GRID2: variants seen among roughly 807,000 people sequenced by gnomAD.
GRID2 encodes glutamate ionotropic receptor delta type subunit 2.
Under a neutral mutation model 114.8 loss-of-function variants are expected in GRID2, and 33 were observed. The ratio of observed to expected loss-of-function variants is 0.29; its 90% confidence interval spans 0.22 to 0.38. The LOEUF is 0.38. Among genes scored for constraint, GRID2 ranks in the 10% least tolerant of loss-of-function variants. The pLI, the probability that GRID2 is intolerant of heterozygous loss-of-function variation, is 1.00. For synonymous variants in GRID2, 505 were observed against 449.9 expected (o/e 1.12, Z -1.55); for missense variants, 1,184 against 1,257.7 (o/e 0.94, Z 0.89).
intron 2 of GRID2, among the ~76,000 whole-genome samples, chr4:92,924,804 A>G (rs2149512057): frequency 6.6e-6 from 1 of 152,228 alleles, no homozygotes; most frequent in African/African-American, 2.4e-5. Flanking sequence ...ACTTCAAATG[A>G]TTAATTATTG....
chr4:92,344,425 C>T (rs894595018), intron 1 of GRID2, among the ~76,000 whole-genome samples: 5 of 152,216 alleles, frequency 3.3e-5, no homozygotes, highest in Middle Eastern at 6.8e-3. Context: ...CCTTTATTAC[C>T]TAACATTTTT....
intron 14 of GRID2, among the ~76,000 whole-genome samples, chr4:93,704,136 T>A (rs943261565): frequency 3.3e-5 from 5 of 152,178 alleles, no homozygotes; most frequent in Non-Finnish European, 7.3e-5. Flanking sequence ...TTCCTATTTC[T>A]CCACATCCTC....
intron 13 of GRID2, among the ~76,000 whole-genome samples, chr4:93,605,603 T>G: frequency 6.6e-6 from 1 of 152,274 alleles, no homozygotes; most frequent in African/African-American, 2.4e-5. Flanking sequence ...GAGTTCAAGG[T>G]ATGGTGGTCT....
At chr4:93,624,108 T>C (rs946825289) in intron 13 of GRID2, among the ~76,000 whole-genome samples, 1 of 152,168 alleles carries the variant, frequency 6.6e-6, no homozygotes, top group Non-Finnish European at 1.5e-5. Flanking sequence ...TTATATTTAA[T>C]GTACATAGAT....
intron 8 of GRID2, among the ~76,000 whole-genome samples, chr4:93,395,294 G>A (rs979748454): frequency 2.6e-5 from 4 of 151,846 alleles, no homozygotes; most frequent in African/African-American, 9.7e-5. Flanking sequence ...AGAGTTATAT[G>A]TGCTATTATT....
At chr4:92,965,329 TTTGAAATATA>T (rs1380482765) in intron 2 of GRID2, among the ~76,000 whole-genome samples, 1 of 150,154 alleles carries the variant, frequency 6.7e-6, no homozygotes, top group African/African-American at 2.4e-5. Context: ...AATGAAAAAG[TTTGAAATATA>T]TTGAGAATTA....
intron 14 of GRID2, among the ~76,000 whole-genome samples, chr4:93,628,479 G>A (rs1191842724): frequency 1.3e-5 from 2 of 152,094 alleles, no homozygotes; most frequent in Non-Finnish European, 2.9e-5. Flanking sequence ...GGTAAGCCTG[G>A]AACTTGACCT....
intron 4 of GRID2, among the ~76,000 whole-genome samples, chr4:93,163,039 T>C (rs1737834775): frequency 6.6e-6 from 1 of 151,916 alleles, no homozygotes; most frequent in Non-Finnish European, 1.5e-5. Context: ...AAAACACACA[T>C]CTTGGAAGTA....
chr4:93,597,101 A>T (rs1193027053), intron 13 of GRID2, among the ~76,000 whole-genome samples: 1 of 152,208 alleles, frequency 6.6e-6, no homozygotes, highest in African/African-American at 2.4e-5. Flanking sequence ...ATCTAAAGTG[A>T]AAATATGTTT....
chr4:93,031,382 C>T (rs1047525458), intron 2 of GRID2, among the ~76,000 whole-genome samples: 3 of 152,104 alleles, frequency 2.0e-5, no homozygotes, highest in Non-Finnish European at 4.4e-5. Flanking sequence ...TAAAAATCCA[C>T]AATCTTTAGA....
At chr4:93,723,595 A>T (rs1168731709) in intron 14 of GRID2, among the ~76,000 whole-genome samples, 2 of 152,200 alleles carry the variant, frequency 1.3e-5, no homozygotes, top group Non-Finnish European at 2.9e-5. Flanking sequence ...ATGAACTTTT[A>T]ATTCTATTTA....
intron 14 of GRID2, among the ~76,000 whole-genome samples, chr4:93,708,153 A>G (rs1457452969): frequency 6.6e-6 from 1 of 152,040 alleles, no homozygotes; most frequent in Admixed American, 6.6e-5. Flanking sequence ...AAGAATGTAT[A>G]TTCTTTAGCC....
chr4:92,515,701 A>G (rs996343067), intron 1 of GRID2, among the ~76,000 whole-genome samples: 15 of 152,050 alleles, frequency 9.9e-5, no homozygotes, highest in African/African-American at 3.1e-4. Flanking sequence ...AGCTGCTACA[A>G]TCTTGTTATT....
chr4:93,208,670 CT>C (rs1296848767), intron 5 of GRID2, among the ~76,000 whole-genome samples: 2 of 151,934 alleles, frequency 1.3e-5, no homozygotes, highest in African/African-American at 4.8e-5. Flanking sequence ...TGGAATGATC[CT>C]TTTTATTTCA....
intron 5 of GRID2, among the ~76,000 whole-genome samples, chr4:93,214,519 A>T (rs1474053941): frequency 6.6e-6 from 1 of 152,060 alleles, no homozygotes; most frequent in Non-Finnish European, 1.5e-5. Context: ...GTCAAGACTA[A>T]AATTGCAAGT....
intron 9 of GRID2, among the ~76,000 whole-genome samples, chr4:93,398,976 G>C (rs541210179): frequency 6.6e-6 from 1 of 151,548 alleles, no homozygotes; most frequent in East Asian, 1.9e-4. Context: ...TAGTTATATG[G>C]CCTTGCAAGC....
At chr4:92,940,259 T>A (rs1184735096) in intron 2 of GRID2, among the ~76,000 whole-genome samples, 1 of 147,020 alleles carries the variant, frequency 6.8e-6, no homozygotes, top group Non-Finnish European at 1.5e-5. Context: ...TGATTTGTAG[T>A]TTTTCTTGAA....
chr4:92,697,469 C>CA (rs1734473309), intron 2 of GRID2, among the ~76,000 whole-genome samples: 1 of 152,096 alleles, frequency 6.6e-6, no homozygotes, highest in Non-Finnish European at 1.5e-5. Context: ...CTCTGCACAG[C>CA]AAACTATGTA....
chr4:93,089,257 A>G (rs995790783), intron 3 of GRID2, among the ~76,000 whole-genome samples: 13 of 152,318 alleles, frequency 8.5e-5, no homozygotes, highest in African/African-American at 2.9e-4. Flanking sequence ...TATAAATTAC[A>G]TAGAATCATT....
Sources: allele counts gnomAD v4.1 joint callset (sites outside exome capture counted in the v4.1 genomes callset), GRCh38; gene constraint gnomAD v4.1.1; transcripts MANE v1.5; gene names NCBI Gene and HGNC (gene_info 2026-07-23, HGNC 2026-07-21).